MGAT4C: variants seen among roughly 807,000 people sequenced by gnomAD.
The protein encoded by MGAT4C is alpha-1,3-mannosyl-glycoprotein 4-beta-N-acetylglucosaminyltransferase C.
A neutral mutation model predicts 40.1 loss-of-function variants in MGAT4C; 19 were observed. The observed-to-expected ratio is 0.47, with a 90% CI of 0.33 to 0.70. MGAT4C has a LOEUF of 0.70. Among genes scored for constraint, MGAT4C ranks in the 30% least tolerant of loss-of-function variants. MGAT4C has a pLI of 0.02. For synonymous variants in MGAT4C, 181 were observed against 187.1 expected (o/e 0.97, Z 0.27); for missense variants, 491 against 563.2 (o/e 0.87, Z 1.30).
chr12:86,323,763 T>A (rs1250683850), intron 4 of MGAT4C, among the ~76,000 whole-genome samples: 1 of 151,980 alleles, frequency 6.6e-6, no homozygotes, highest in Non-Finnish European at 1.5e-5. Context: ...GCCTTCTCAT[T>A]GAAACATTTT....
intron 3 of MGAT4C, among the ~76,000 whole-genome samples, chr12:86,404,516 A>G (rs1205270457): frequency 6.6e-6 from 1 of 152,118 alleles, no homozygotes; most frequent in Non-Finnish European, 1.5e-5. Flanking sequence ...CTTCACACAC[A>G]GAAAAAGAGT....
intron 2 of MGAT4C, among the ~76,000 whole-genome samples, chr12:86,722,377 C>A (rs1478056569): frequency 6.6e-6 from 1 of 152,072 alleles, no homozygotes; most frequent in Non-Finnish European, 1.5e-5. Context: ...CCTGTAGATG[C>A]CAACAAAAGA....
At chr12:86,628,830 T>C (rs182547452) in intron 2 of MGAT4C, among the ~76,000 whole-genome samples, 1 of 152,190 alleles carries the variant, frequency 6.6e-6, no homozygotes, top group East Asian at 1.9e-4. Context: ...AGGAAGAAAC[T>C]GCATCAACTA....
At chr12:86,400,771 G>A (rs1956341872) in intron 3 of MGAT4C, among the ~76,000 whole-genome samples, 1 of 152,138 alleles carries the variant, frequency 6.6e-6, no homozygotes, top group Non-Finnish European at 1.5e-5. Flanking sequence ...GCCTTTTATG[G>A]TCAGCAGGCT....
intron 4 of MGAT4C, among the ~76,000 whole-genome samples, chr12:85,981,962 G>C (rs540342169): frequency 1.3e-5 from 2 of 152,172 alleles, no homozygotes; most frequent in Non-Finnish European, 2.9e-5. Context: ...TAGACAATTA[G>C]AAAGAAGCCT....
intron 1 of MGAT4C, among the ~76,000 whole-genome samples, chr12:86,789,448 T>C (rs1951986638): frequency 6.6e-6 from 1 of 152,142 alleles, no homozygotes; most frequent in African/African-American, 2.4e-5. Flanking sequence ...GCTTAAAACA[T>C]GTAAACAATA....
intron 1 of MGAT4C, among the ~76,000 whole-genome samples, chr12:86,738,175 C>A (rs983149235): frequency 2.0e-5 from 3 of 151,448 alleles, no homozygotes; most frequent in Non-Finnish European, 1.5e-5. Context: ...TTCAAAACTG[C>A]ATTAAGGTCA....
chr12:86,357,857 T>G (rs1242144891), intron 3 of MGAT4C, among the ~76,000 whole-genome samples: 1 of 152,188 alleles, frequency 6.6e-6, no homozygotes, highest in Non-Finnish European at 1.5e-5. Flanking sequence ...GTCTGATTGG[T>G]GTACCTGAAA....
intron 1 of MGAT4C, among the ~76,000 whole-genome samples, chr12:86,216,460 A>G (rs1950675736): frequency 6.6e-6 from 1 of 152,246 alleles, no homozygotes; most frequent in South Asian, 2.1e-4. Flanking sequence ...TTGGCCAGTA[A>G]AACAATTTGG....
At chr12:86,628,718 G>A (rs1479970937) in intron 2 of MGAT4C, among the ~76,000 whole-genome samples, 2 of 152,084 alleles carry the variant, frequency 1.3e-5, no homozygotes, top group Non-Finnish European at 2.9e-5. Flanking sequence ...TCACCACCAG[G>A]CCCGCCTTAC....
chr12:86,151,601 G>GA (rs200842104), intron 1 of MGAT4C, among the ~76,000 whole-genome samples: 15,155 of 141,782 alleles, frequency 0.11, 1,516 homozygotes, highest in African/African-American at 0.27. Flanking sequence ...GTCTCAAAAA[G>GA]AAAAAAAAAA....
intron 1 of MGAT4C, among the ~76,000 whole-genome samples, chr12:86,202,931 C>T (rs2135937645): frequency 6.6e-6 from 1 of 151,850 alleles, no homozygotes; most frequent in Non-Finnish European, 1.5e-5. Context: ...TGTATTAAAT[C>T]CTTTTTGTTA....
At chr12:86,590,022 C>T (rs970476473) in intron 2 of MGAT4C, among the ~76,000 whole-genome samples, 1 of 151,842 alleles carries the variant, frequency 6.6e-6, no homozygotes, top group Non-Finnish European at 1.5e-5. Context: ...GTCCAGGGAA[C>T]ACTTCGTAGG....
intron 1 of MGAT4C, among the ~76,000 whole-genome samples, chr12:86,145,835 C>A (rs2135751616): frequency 6.6e-6 from 1 of 152,092 alleles, no homozygotes; most frequent in South Asian, 2.1e-4. Flanking sequence ...TCCAAGTATC[C>A]TTCACTATAA....
In MGAT4C at chr12:86,676,478, C is replaced by T. The variant is rs372671556; in HGVS notation, c.-229+50731G>A. ...ACATACACATAATCTACATTCCACA[C>T]TCAGGATAGAAACATTAGAACATAA... On this transcript the variant is annotated intron_variant, in intron 2 of 7. Coordinates refer to the MGAT4C transcript ENST00000548651. Among the ~76,000 whole-genome samples, 26 of 152,224 alleles carry T rather than the reference C, an allele frequency of 1.7e-4. No individual in the cohort carries two copies. The East Asian group carries it at 3.3e-3, about 19-fold the overall frequency.
Position 86,096,192 on chromosome 12 carries a change from C to T in MGAT4C, c.-56-46469G>A, listed in dbSNP as rs551529002. On this transcript the variant is annotated intron_variant, in intron 1 of 4. Transcript: ENST00000611864. ...TATTTCATCATTTTTGCCTTAATGCCTTTTTAAAAATTCTCTTAAGTTCAG... is the reference window on the plus strand; with the variant it reads ...TATTTCATCATTTTTGCCTTAATGCTTTTTTAAAAATTCTCTTAAGTTCAG... 4.6e-5 allele frequency among the ~76,000 whole-genome samples: 7 copies of T among 151,734 alleles called. No homozygotes were observed. In the East Asian group the frequency reaches 1.4e-3, roughly 29 times the overall value.
intron 2 of MGAT4C, among the ~76,000 whole-genome samples, chr12:86,663,223 A>G (rs1964021354): frequency 6.6e-6 from 1 of 151,786 alleles, no homozygotes; most frequent in African/African-American, 2.4e-5. Flanking sequence ...AGTTGGACAC[A>G]GTAGTGCATG....
At chr12:86,092,522 T>C (rs565572857) in intron 1 of MGAT4C, among the ~76,000 whole-genome samples, 1 of 152,232 alleles carries the variant, frequency 6.6e-6, no homozygotes, top group East Asian at 1.9e-4. Flanking sequence ...AAATATTATA[T>C]TATTAACATT....
chr12:86,377,540 A>G (rs1955852799), intron 3 of MGAT4C, among the ~76,000 whole-genome samples: 1 of 152,208 alleles, frequency 6.6e-6, no homozygotes, highest in Admixed American at 6.5e-5. Flanking sequence ...CCCAACAATG[A>G]ACTATTAAAT....
Sources: allele counts gnomAD v4.1 joint callset (sites outside exome capture counted in the v4.1 genomes callset), GRCh38; gene constraint gnomAD v4.1.1; transcripts MANE v1.5; gene names NCBI Gene and HGNC (gene_info 2026-07-23, HGNC 2026-07-21).